Variants in DCC observed in about 807,000 individuals in gnomAD.
DCC encodes the protein netrin receptor DCC.
Under a neutral mutation model 172.5 loss-of-function variants are expected in DCC, and 58 were observed. That is an observed-to-expected ratio of 0.34 (90% CI 0.27 to 0.42). The LOEUF (loss-of-function observed/expected upper bound fraction) is 0.42. Ranked by LOEUF, DCC falls within the 10% of genes least tolerant of loss-of-function variation. The probability of loss-of-function intolerance (pLI) is 1.00; values close to 1 mark genes in which losing one functional copy is unlikely to be tolerated. For missense variants in DCC, 1,740 were observed against 1,791.0 expected, an observed-to-expected ratio of 0.97 and a Z score of 0.51; for synonymous variants, 709 against 644.5, an observed-to-expected ratio of 1.10 and a Z score of -1.52.
At chr18:52,910,911 AAAAT>A (rs1175473868) in intron 3 of DCC, among the ~76,000 whole-genome samples, 1 of 152,112 alleles carries the variant, frequency 6.6e-6, no homozygotes, top group Non-Finnish European at 1.5e-5. Flanking sequence ...TATTTTTATT[AAAAT>A]AAATATTAGC....
chr18:52,857,380 G>C (rs915700298), intron 2 of DCC, among the ~76,000 whole-genome samples: 4 of 151,948 alleles, frequency 2.6e-5, no homozygotes, highest in Non-Finnish European at 4.4e-5. Flanking sequence ...AGAGAAAGAT[G>C]GTCCACTTAA....
rs1339237776 is a variant in DCC, at chr18:53,426,603, T to C, written c.3164-8541T>C. ...TGAGAAACCTTTTGCTAGGCATAAG[T>C]AGATAATCATCCTGTTTTTCCACTG... On this transcript the variant is annotated intron_variant, in intron 21 of 28. Coordinates refer to ENST00000442544, the MANE Select transcript of DCC (RefSeq NM_005215.4). Among the ~76,000 whole-genome samples, 3 of 151,528 alleles carry C rather than the reference T, an allele frequency of 2.0e-5. No homozygotes were observed. The East Asian group carries it at 5.8e-4, about 29-fold the overall frequency.
At chr18:52,466,834 C>G (rs1598841242) in intron 1 of DCC, among the ~76,000 whole-genome samples, 1 of 152,208 alleles carries the variant, frequency 6.6e-6, no homozygotes, top group East Asian at 1.9e-4. Context: ...AAACACTTAG[C>G]TAAGCATTTC....
At chr18:53,162,339 A>G (rs1027382152) in intron 8 of DCC, among the ~76,000 whole-genome samples, 1 of 151,858 alleles carries the variant, frequency 6.6e-6, no homozygotes, top group East Asian at 1.9e-4. Context: ...CAAAATATAT[A>G]CTGAGACCTA....
At chr18:53,341,065 A>T (rs190449790) in intron 15 of DCC, among the ~76,000 whole-genome samples, 205 of 152,350 alleles carry the variant, frequency 1.3e-3, no homozygotes, top group African/African-American at 4.5e-3. Flanking sequence ...TTTAGAAATA[A>T]TATTCTTTCC....
chr18:52,589,648 A>G (rs933352185), intron 1 of DCC, among the ~76,000 whole-genome samples: 7 of 152,236 alleles, frequency 4.6e-5, no homozygotes, highest in Admixed American at 4.6e-4. Flanking sequence ...CTAACATTTT[A>G]CTTATTCTTA....
chr18:53,138,028 A>G (rs4423490), intron 7 of DCC, among the ~76,000 whole-genome samples: 46,913 of 151,478 alleles, frequency 0.31, 9,062 homozygotes, highest in East Asian at 0.58. Context: ...GGATGTTGCA[A>G]TGTTACCCAG....
At chr18:52,887,781 T>C (rs112159126) in intron 2 of DCC, among the ~76,000 whole-genome samples, 2 of 152,300 alleles carry the variant, frequency 1.3e-5, no homozygotes, top group African/African-American at 2.4e-5. Flanking sequence ...ATAGTAATTA[T>C]TAATGTCATG....
At position 52,626,706 on chromosome 18, in the gene DCC, C is replaced by CA. The variant is rs565170217; in HGVS notation, c.92-125341dup. ...GATTTAACCAACAGTAAATTTGAAA[C>CA]AAAAAAATTCCAAAAAACAAATCTG... On this transcript the variant is annotated intron_variant, in intron 1 of 28. Transcript: ENST00000442544. Among the ~76,000 whole-genome samples, 49 of 152,178 alleles carry CA rather than the reference C, an allele frequency of 3.2e-4. No individual in the cohort carries two copies. The South Asian group carries it at 7.5e-3, about 23-fold the overall frequency.
At chr18:52,919,333 C>G (rs1323718418) in intron 3 of DCC, among the ~76,000 whole-genome samples, 1 of 152,146 alleles carries the variant, frequency 6.6e-6, no homozygotes, top group Non-Finnish European at 1.5e-5. Context: ...ATTTTTTGAT[C>G]ATTAATCTAG....
chr18:52,408,978 T>C (rs1342319494), intron 1 of DCC: 1 of 152,096 alleles, frequency 6.6e-6, no homozygotes, highest in Non-Finnish European at 1.5e-5. Context: ...AGCTCACTTT[T>C]GTTCATTAAG....
At chr18:53,272,252 A>G (rs1753099361) in intron 12 of DCC, among the ~76,000 whole-genome samples, 1 of 152,164 alleles carries the variant, frequency 6.6e-6, no homozygotes, top group Non-Finnish European at 1.5e-5. Flanking sequence ...CTGAAAGTAG[A>G]ATATGTATTA....
intron 1 of DCC, among the ~76,000 whole-genome samples, chr18:52,452,907 A>G (rs1385652377): frequency 1.3e-5 from 2 of 152,256 alleles, no homozygotes; most frequent in Non-Finnish European, 2.9e-5. Flanking sequence ...GAGGCTGTCA[A>G]TTTAAGACAT....
At chr18:52,388,958 C>T (rs540128774) in intron 1 of DCC, among the ~76,000 whole-genome samples, 12 of 152,242 alleles carry the variant, frequency 7.9e-5, no homozygotes, top group African/African-American at 2.6e-4. Context: ...AGCCAGAGAT[C>T]GTTCAGGACC....
At chr18:53,175,324 C>A in intron 8 of DCC, among the ~76,000 whole-genome samples, 1 of 151,606 alleles carries the variant, frequency 6.6e-6, no homozygotes, top group Non-Finnish European at 1.5e-5. Flanking sequence ...AAGTTCTGGC[C>A]AGGGCAATTA....
chr18:53,022,270 C>A (rs892844827), intron 5 of DCC, among the ~76,000 whole-genome samples: 7 of 151,782 alleles, frequency 4.6e-5, no homozygotes, highest in African/African-American at 1.7e-4. Flanking sequence ...AGAACATATG[C>A]TTTAGGGTCA....
chr18:53,400,646 C>T lies in DCC; in HGVS notation c.2828-2140C>T, dbSNP rs1909241799. On this transcript the variant is annotated intron_variant, in intron 18 of 28. Transcript: ENST00000442544. ...GTGCAGTTCACATAATAATGCTAGA[C>T]ATTTAGGTCATTAATTCCAATACCA... 2.0e-5 allele frequency among the ~76,000 whole-genome samples: 3 copies of T among 152,222 alleles called. No homozygotes were observed. The South Asian group carries it at 6.2e-4, about 32-fold the overall frequency.
intron 11 of DCC, among the ~76,000 whole-genome samples, chr18:53,208,109 T>C (rs1056062679): frequency 8.0e-5 from 12 of 150,872 alleles, no homozygotes; most frequent in African/African-American, 2.9e-4. Flanking sequence ...GTAAATGTTT[T>C]TTTTTTTTTT....
At chr18:53,038,776 T>C (rs2042128300) in intron 5 of DCC, among the ~76,000 whole-genome samples, 1 of 152,076 alleles carries the variant, frequency 6.6e-6, no homozygotes, top group Admixed American at 6.6e-5. Flanking sequence ...CAGCCTGGGC[T>C]CTTTTAACAC....
Sources: allele counts gnomAD v4.1 joint callset (sites outside exome capture counted in the v4.1 genomes callset), GRCh38; gene constraint gnomAD v4.1.1; transcripts MANE v1.5; gene names NCBI Gene and HGNC (gene_info 2026-07-23, HGNC 2026-07-21).